ABCD3: variants seen among roughly 807,000 people sequenced by gnomAD.
ABCD3 encodes ATP binding cassette subfamily D member 3, also known as ATP-binding cassette sub-family D member 3.
Under a neutral mutation model 105.5 loss-of-function variants are expected in ABCD3, and 41 were observed. The observed-to-expected ratio is 0.39, with a 90% CI of 0.30 to 0.50. ABCD3 has a LOEUF of 0.50. Ranked by LOEUF, ABCD3 falls within the 20% of genes least tolerant of loss-of-function variation. The probability of loss-of-function intolerance (pLI) is 0.84; values close to 1 mark genes in which losing one functional copy is unlikely to be tolerated. For missense variants in ABCD3, 622 were observed against 806.3 expected (o/e 0.77, Z 2.77); for synonymous variants, 258 against 269.0 (o/e 0.96, Z 0.40).
chr1:94,396,769 C>G, the ABCD3 span, among the ~76,000 whole-genome samples: 6 of 152,018 alleles, frequency 3.9e-5, no homozygotes, highest in African/African-American at 1.4e-4. Flanking sequence ...TCCTGTGGGC[C>G]CATGGGCCTG....
intron 1 of ABCD3, among the ~76,000 whole-genome samples, chr1:94,451,511 A>G (rs1357339800): frequency 6.6e-6 from 1 of 152,200 alleles, no homozygotes; most frequent in Non-Finnish European, 1.5e-5. Flanking sequence ...AATAAACAAA[A>G]ACAACACTCA....
chr1:94,389,392 A>AAC, the ABCD3 span, among the ~76,000 whole-genome samples: 4 of 152,296 alleles, frequency 2.6e-5, no homozygotes, highest in Admixed American at 2.6e-4. Flanking sequence ...GAGGGCAAGG[A>AAC]ACACCTGGCC....
At chr1:94,474,799 A>G (rs779893905) in intron 5 of ABCD3, among the ~76,000 whole-genome samples, 1 of 151,876 alleles carries the variant, frequency 6.6e-6, no homozygotes, top group African/African-American at 2.4e-5. Flanking sequence ...TGATAGTAGG[A>G]AACAGAAAAT....
chr1:94,505,900 A>C (rs1650328963), intron 20 of ABCD3, among the ~76,000 whole-genome samples: 1 of 152,180 alleles, frequency 6.6e-6, no homozygotes, highest in African/African-American at 2.4e-5. Context: ...AAAAATTGGA[A>C]TATCTGTTAG....
chr1:94,420,239 A>C (rs1659207477), intron 1 of ABCD3, among the ~76,000 whole-genome samples: 1 of 152,188 alleles, frequency 6.6e-6, no homozygotes, highest in Non-Finnish European at 1.5e-5. Context: ...CATTATCAGC[A>C]CCCCAGAAAT....
intron 1 of ABCD3, among the ~76,000 whole-genome samples, chr1:94,438,297 CACAT>C (rs1219493815): frequency 4.1e-3 from 380 of 92,508 alleles, no homozygotes; most frequent in African/African-American, 5.3e-3. Context: ...CACACACACA[CACAT>C]ACACACACAC....
chr1:94,506,238 T>C (rs1333368921), intron 20 of ABCD3, among the ~76,000 whole-genome samples: 1 of 152,092 alleles, frequency 6.6e-6, no homozygotes, highest in Non-Finnish European at 1.5e-5. Context: ...ATCTTATTTG[T>C]TTAGTGAGCT....
intron 1 of ABCD3, among the ~76,000 whole-genome samples, chr1:94,419,762 G>C (rs1659183893): frequency 6.6e-6 from 1 of 152,134 alleles, no homozygotes; most frequent in Non-Finnish European, 1.5e-5. Flanking sequence ...AGAGTCTGAA[G>C]TGATGATCTT....
chr1:94,408,409 C>G, the ABCD3 span, among the ~76,000 whole-genome samples: 1 of 149,288 alleles, frequency 6.7e-6, no homozygotes. Flanking sequence ...ATGGTGAAAC[C>G]CCATCTCTAC....
At chr1:94,491,385 T>C (rs1649529154) in intron 16 of ABCD3, 138 bp downstream of exon 16, 1 of 693,694 alleles carries the variant, frequency 1.4e-6, no homozygotes, top group African/African-American at 1.8e-5. Flanking sequence ...AAGTAAGTCT[T>C]TGAAACGCTT....
intron 1 of ABCD3, among the ~76,000 whole-genome samples, chr1:94,423,777 A>G (rs1372708725): frequency 2.6e-5 from 4 of 151,442 alleles, no homozygotes; most frequent in South Asian, 4.2e-4. Flanking sequence ...TTCTTTACCC[A>G]TTGGGTGTCC....
At chr1:94,388,205 G>A in the ABCD3 span, among the ~76,000 whole-genome samples, 1 of 152,186 alleles carries the variant, frequency 6.6e-6, no homozygotes. Flanking sequence ...TTCCCATGAA[G>A]GAATTCTTAT....
rs778716832 is a variant in ABCD3, at chr1:94,499,574, G to T, written c.1700G>T (p.Trp567Leu). The T allele has an allele frequency of 6.2e-7, 1 of 1,613,808 alleles. No individual in the cohort carries two copies. The highest frequency in any genetic ancestry group is 1.1e-5 in the South Asian group (1 of 91,076). ...REGGWDSVQDWMDVLSGGEKQ... is the reference protein window; with the variant it reads ...REGGWDSVQDLMDVLSGGEKQ... The stretch of plus-strand genomic sequence containing the variant: ...GGAGGCTGGGACAGTGTTCAGGATT[G>T]GATGGACGTACTCAGTGGTGGAGAA... Residue 567 changes from tryptophan (W) to leucine (L), a missense_variant, in exon 20 of 23, where the codon TGG (tryptophan) becomes TTG (leucine). Trp to Leu is a moderately conservative substitution (Grantham distance 61, BLOSUM62 -2). Around this residue, in one of 4 missense-constraint regions of ABCD3, gnomAD observed 285 missense variants for 352.5 expected, o/e 0.81. Coordinates refer to ENST00000370214, the MANE Select transcript of ABCD3 (RefSeq NM_002858.4).
chr1:94,490,586 G>T (rs373945222), intron 15 of ABCD3, among the ~76,000 whole-genome samples: 17 of 151,998 alleles, frequency 1.1e-4, no homozygotes, highest in African/African-American at 4.1e-4. Context: ...TTTAAAAGTG[G>T]GGTAATATTC....
the ABCD3 span, among the ~76,000 whole-genome samples, chr1:94,395,297 G>C: frequency 9.8e-5 from 15 of 152,332 alleles, no homozygotes; most frequent in South Asian, 8.3e-4. Context: ...TGAAGGTGCT[G>C]TTCACAGACA....
rs531609324 is a variant in ABCD3, at chr1:94,477,977, G to A, written c.628-282G>A. The stretch of plus-strand genomic sequence containing the variant: ...TTACTAGTGGTTAATTATCACAGTA[G>A]AGGTATCTTAGTTGATGGAAAGTGA... On this transcript the variant is annotated intron_variant, in intron 7 of 22. Transcript: ENST00000370214. 5.3e-5 allele frequency among the ~76,000 whole-genome samples: 8 copies of A among 152,314 alleles called. No individual in the cohort carries two copies. The East Asian group carries it at 1.5e-3, about 29-fold the overall frequency.
At chr1:94,483,267 G>A in intron 10 of ABCD3, 28 bp downstream of exon 10, 1 of 1,583,358 alleles carries the variant, frequency 6.3e-7, no homozygotes, top group Non-Finnish European at 8.7e-7. Flanking sequence ...AGGTTCATGT[G>A]TTTATGGAAA....
chr1:94,488,549 T>TA (rs1649378907), intron 13 of ABCD3, among the ~76,000 whole-genome samples: 1 of 152,016 alleles, frequency 6.6e-6, no homozygotes, highest in Non-Finnish European at 1.5e-5. Flanking sequence ...TGGTATGGTG[T>TA]AAAAAACACC....
At chr1:94,463,605 G>A (rs1647987309) in intron 2 of ABCD3, among the ~76,000 whole-genome samples, 1 of 152,096 alleles carries the variant, frequency 6.6e-6, no homozygotes, top group Admixed American at 6.6e-5. Flanking sequence ...GGGAATTGGG[G>A]TTTTTCTGGA....
Sources: allele counts gnomAD v4.1 joint callset (sites outside exome capture counted in the v4.1 genomes callset), GRCh38; gene constraint gnomAD v4.1.1; regional missense constraint gnomAD v4.1.1; transcripts MANE v1.5; gene names NCBI Gene and HGNC (gene_info 2026-07-23, HGNC 2026-07-21).